Variants in SGO1 observed in about 807,000 individuals in gnomAD.
SGO1 encodes serologically defined breast cancer antigen NY-BR-85.
A neutral mutation model predicts 50.5 loss-of-function variants in SGO1; 39 were observed. That is an observed-to-expected ratio of 0.77 (90% confidence interval 0.60 to 1.01). The LOEUF (loss-of-function observed/expected upper bound fraction) is 1.01. Among genes scored for constraint, SGO1 ranks in the 50% least tolerant of loss-of-function variants. The pLI is 0.00. For synonymous variants in SGO1, 191 were observed against 205.1 expected (o/e 0.93, Z 0.59); for missense variants, 638 against 606.0 (o/e 1.05, Z -0.55).
chr3:20,161,042 T>G, exon 9 of SGO1: 9 of 1,607,402 alleles, frequency 5.6e-6, no homozygotes, highest in Non-Finnish European at 7.6e-6. Flanking sequence ...CTATTAAAGG[T>G]CTGCATACAT....
chr3:20,171,913 C>T (rs906458504), intron 6 of SGO1, among the ~76,000 whole-genome samples: 4 of 152,096 alleles, frequency 2.6e-5, no homozygotes, highest in Non-Finnish European at 4.4e-5. Flanking sequence ...GGCAAATGTC[C>T]AACACATAGT....
chr3:20,176,671 C>A lies in SGO1; in HGVS notation c.417-12G>T. ...CAAGAGGAATTTGCCTTAGAAAATA[C>A]CAATGAAAAACAGAAATTTAACAAT... is the stretch of plus-strand genomic sequence containing the variant. On this transcript the variant is annotated splice_polypyrimidine_tract_variant and intron_variant, in intron 4 of 7. Coordinates refer to ENST00000412997, the MANE Select transcript of SGO1 (RefSeq NM_001199251.3). 6.5e-7 allele frequency: 1 copy of A among 1,532,468 alleles called. No homozygotes were observed. The highest frequency in any genetic ancestry group is 8.8e-7 in the Non-Finnish European group (1 of 1,137,722). The allele number at this position is 1,532,468 out of a possible 1,614,324, so 94.9% of individuals were successfully genotyped here.
intron 1 of SGO1, among the ~76,000 whole-genome samples, chr3:20,184,641 G>T (rs184939120): frequency 2.7e-3 from 411 of 152,306 alleles, no homozygotes; most frequent in Non-Finnish European, 4.2e-3. Flanking sequence ...ATAGGCTATT[G>T]TAACAAGTAC....
chr3:20,167,533 A>C (rs969387424), downstream of SGO1, among the ~76,000 whole-genome samples: 1 of 152,214 alleles, frequency 6.6e-6, no homozygotes, highest in Non-Finnish European at 1.5e-5. Flanking sequence ...ATAATTCATA[A>C]AGGAAGAAAT....
intron 8 of SGO1, among the ~76,000 whole-genome samples, chr3:20,162,180 A>T (rs1327253516): frequency 1.3e-5 from 2 of 152,212 alleles, no homozygotes; most frequent in Non-Finnish European, 2.9e-5. Flanking sequence ...CTGAATACTA[A>T]TCCATGCATG....
In SGO1 at chr3:20,175,946, G is replaced by A. The variant is rs1382093527; in HGVS notation, c.475+655C>T. On this transcript the variant is annotated intron_variant, in intron 5 of 7. Transcript: ENST00000412997. ...GAAAGTGGGAGCTAAGTTGTTCTTT[G>A]AAAAATAAATAAGATTTGAATAACT... is the stretch of plus-strand genomic sequence containing the variant. 1.3e-5 allele frequency among the ~76,000 whole-genome samples: 2 copies of A among 152,084 alleles called. 1 individual carries two copies. The highest frequency in any genetic ancestry group is 3.9e-4 in the East Asian group (2 of 5,192).
chr3:20,176,468 G>A (rs910234196), intron 5 of SGO1, 133 bp downstream of exon 5: 2 of 590,468 alleles, frequency 3.4e-6, no homozygotes, highest in South Asian at 4.4e-5. Context: ...AAACAGATTT[G>A]CTTTGAGCAG....
At chr3:20,177,382 C>T (rs1429474731) in intron 4 of SGO1, 1 of 152,168 alleles carries the variant, frequency 6.6e-6, no homozygotes, top group African/African-American at 2.4e-5. Flanking sequence ...TAAAAGTAAT[C>T]TATGGTGATA....
At position 20,174,307 on chromosome 3, in the gene SGO1, T is replaced by G. The variant is rs748550250; in HGVS notation, c.1224A>C (p.Ala408=). Residue 408 remains alanine, a synonymous_variant, in exon 6 of 8, where the codon GCA becomes GCC. Coordinates refer to ENST00000412997, the MANE Select transcript of SGO1 (RefSeq NM_001199251.3). ...TCTCTTTTTCATCTGTGTATTTCAG[T>G]GCTCTTTTAGCTAGAGGCCTGGTGA... is the stretch of plus-strand genomic sequence containing the variant. ...RPVTRPLAKR[A]LKYTDEKETE... is the part of the protein sequence containing the mutation. 6.2e-7 allele frequency: 1 copy of G among 1,614,226 alleles called. No individual in the cohort carries two copies. Among genetic ancestry groups the G allele is most frequent in the South Asian group, 1.1e-5 (1 of 91,084 alleles).
chr3:20,166,358 G>A (rs954817088), downstream of SGO1, among the ~76,000 whole-genome samples: 10 of 151,994 alleles, frequency 6.6e-5, no homozygotes, highest in Admixed American at 6.6e-4. Flanking sequence ...GTTCATTGAT[G>A]GATAAAGAAA....
intron 3 of SGO1, 21 bp downstream of exon 3, chr3:20,183,587 C>A (rs757923099): frequency 1.3e-6 from 2 of 1,535,904 alleles, no homozygotes; most frequent in South Asian, 2.5e-5. Flanking sequence ...CTAAGAAATT[C>A]GGCCTTAGTA....
chr3:20,170,942 G>A, intron 7 of SGO1, 101 bp downstream of exon 7: 1 of 1,460,814 alleles, frequency 6.8e-7, no homozygotes. Flanking sequence ...TAAATCAAAT[G>A]TTTATATTTC....
At chr3:20,166,842 C>CAAAAA (rs58288144), downstream of SGO1, among the ~76,000 whole-genome samples, 9 of 42,744 alleles carry the variant, frequency 2.1e-4, no homozygotes, top group Non-Finnish European at 2.9e-4. Context: ...CCATCTCTAC[C>CAAAAA]AAAAAAAAAA....
intron 6 of SGO1, among the ~76,000 whole-genome samples, chr3:20,173,985 G>C (rs930710848): frequency 3.9e-5 from 6 of 152,158 alleles, no homozygotes; most frequent in African/African-American, 1.4e-4. Flanking sequence ...AAGTCCCTCT[G>C]TCCCCTTGGG....
In SGO1 at chr3:20,170,017, T is replaced by C; in HGVS notation, c.*687A>G. ...TCTTAGAAAATCATTCACTTTAGTA[T>C]CCCCTACTTAAGGGAAAAATAGAGA... On this transcript the variant is annotated 3_prime_UTR_variant, in exon 8 of 8. Coordinates refer to ENST00000412997, the MANE Select transcript of SGO1 (RefSeq NM_001199251.3). 1.0e-6 allele frequency: 1 copy of C among 984,864 alleles called. No homozygotes were observed. The highest frequency in any genetic ancestry group is 4.7e-5 in the South Asian group (1 of 21,276). The allele number at this position is 984,864 out of a possible 1,614,324, so 61.0% of individuals were successfully genotyped here. A position where few individuals can be genotyped will look rare whatever the true frequency, so the allele number is the denominator to read the frequency against.
In SGO1 at chr3:20,176,606, A is replaced by G. The variant is rs780125969; in HGVS notation, c.470T>C (p.Ile157Thr). ...TAGATTTTCACTTGAATTACCTTCT[A>G]TTTGAAATGATTCTCCTTGTCCTGG... ...ELPGQGESFQ[I>T]EDQIPTIPQD... The change falls in exon 5 of 8, where the codon ATA becomes ACA. Residue 157 changes from isoleucine to threonine, a missense_variant. Transcript: ENST00000412997. 3.2e-6 allele frequency: 5 copies of G among 1,564,360 alleles called. No individual in the cohort carries two copies. Among genetic ancestry groups the G allele is most frequent in the Non-Finnish European group, 4.3e-6 (5 of 1,158,986 alleles).
Position 20,176,637 on chromosome 3 carries a change from C to T in SGO1, c.439G>A (p.Glu147Lys), listed in dbSNP as rs1460936895. The change falls in exon 5 of 8, where the codon GAA (glutamate) becomes AAA (lysine). Residue 147 changes from glutamate to lysine, a missense_variant. Physicochemically the swap from Glu to Lys is moderately conservative, Grantham distance 56. Coordinates refer to ENST00000412997, the MANE Select transcript of SGO1 (RefSeq NM_001199251.3). ...DLPQIPLEET[E>K]LPGQGESFQI... The stretch of plus-strand genomic sequence containing the variant: ...AATGATTCTCCTTGTCCTGGAAGTT[C>T]AGTTTCTTCAAGAGGAATTTGCCTT... The T allele has an allele frequency of 6.4e-7, 1 of 1,562,844 alleles. No homozygotes were observed. Among genetic ancestry groups the T allele is most frequent in the Non-Finnish European group, 8.6e-7 (1 of 1,160,794 alleles).
Position 20,174,902 on chromosome 3 carries a change from T to A in SGO1, c.629A>T (p.Asp210Val), listed in dbSNP as rs1288873917. The A allele has an allele frequency of 1.9e-6, 3 of 1,614,084 alleles. No homozygotes were observed. Among genetic ancestry groups the A allele is most frequent in the Non-Finnish European group, 2.5e-6 (3 of 1,179,998 alleles). ...CCCTGCCAAATGACTGGTTTCAAAA[T>A]CATCCAAGCTATCAAACTGACATAT... ...NSICQFDSLD[D>V]FETSHLAGKS... The change falls in exon 6 of 8, where the codon GAT becomes GTT. Residue 210 changes from aspartate to valine, a missense_variant. Transcript: ENST00000412997.
Position 20,170,166 on chromosome 3 carries a change from A to T in SGO1, c.*538T>A, listed in dbSNP as rs1700565375. 7.6e-6 allele frequency: 7 copies of T among 915,472 alleles called. No individual in the cohort carries two copies. The highest frequency in any genetic ancestry group is 9.1e-6 in the Non-Finnish European group (7 of 766,234). 56.7% of individuals were successfully genotyped at this position (915,472 alleles called of 1,614,324 possible). A position where few individuals can be genotyped will look rare whatever the true frequency, so the allele number is the denominator to read the frequency against. ...GTAATCCCAGCACTTTGGGAGGCCG[A>T]GGTGGGCAGATCACCTGAGGTTGGG... On this transcript the variant is annotated 3_prime_UTR_variant, in exon 8 of 8. Coordinates refer to ENST00000412997, the MANE Select transcript of SGO1 (RefSeq NM_001199251.3).
Sources: gnomAD v4.1 joint callset for allele counts (sites outside exome capture counted in the v4.1 genomes callset) on GRCh38, gnomAD v4.1.1 for gene constraint, MANE v1.5 for transcripts, NCBI Gene and HGNC (gene_info 2026-07-23, HGNC 2026-07-21) for gene names.